Variants in NDE1 observed in about 807,000 individuals in gnomAD.
NDE1 encodes the protein nuclear distribution protein nudE homolog 1.
NDE1 carries 28 observed loss-of-function variants against 43.4 expected under a neutral mutation model. The observed-to-expected ratio is 0.65, with a 90% CI of 0.48 to 0.89. The LOEUF is 0.89. Among genes scored for constraint, NDE1 ranks in the 40% least tolerant of loss-of-function variants. The pLI is 0.00. For missense variants in NDE1, 441 were observed against 434.1 expected (o/e 1.02, Z -0.14); for synonymous variants, 184 against 172.0 (o/e 1.07, Z -0.55).
intron 8 of NDE1, chr16:15,699,821 A>G: frequency 7.4e-7 from 1 of 1,350,774 alleles, no homozygotes; most frequent in South Asian, 1.1e-5. Context: ...ATGTTGCTTT[A>G]GGAAAACCAC....
intron 8 of NDE1, among the ~76,000 whole-genome samples, chr16:15,698,313 A>T (rs1021863883): frequency 1.4e-5 from 2 of 146,254 alleles, no homozygotes; most frequent in Admixed American, 6.8e-5. Context: ...CAGCGGATCA[A>T]TTGAGCTCTG....
At chr16:15,717,479 C>T (rs375770278) in intron 8 of NDE1, 1 of 907,590 alleles carries the variant, frequency 1.1e-6, no homozygotes, top group Admixed American at 2.2e-5. Context: ...TCCTCTCCTT[C>T]ATCCTGTAAA....
chr16:15,683,804 T>C (rs2038300395), intron 4 of NDE1, among the ~76,000 whole-genome samples: 1 of 151,962 alleles, frequency 6.6e-6, no homozygotes, highest in African/African-American at 2.4e-5. Context: ...GCTTGAGTAT[T>C]GCTTGAGCCC....
chr16:15,645,118 C>T (rs2151377819), intron 1 of NDE1, among the ~76,000 whole-genome samples: 1 of 152,154 alleles, frequency 6.6e-6, no homozygotes, highest in Admixed American at 6.5e-5. Context: ...CGGGATATTG[C>T]CATGTTGGCC....
At chr16:15,702,332 A>G (rs1221443046) in intron 8 of NDE1, among the ~76,000 whole-genome samples, 3 of 152,238 alleles carry the variant, frequency 2.0e-5, no homozygotes, top group South Asian at 2.1e-4. Context: ...TTTAAAGAAG[A>G]TGAATATTCG....
At chr16:15,645,273 G>T (rs966599554), upstream of NDE1, among the ~76,000 whole-genome samples, 1 of 152,008 alleles carries the variant, frequency 6.6e-6, no homozygotes, top group Non-Finnish European at 1.5e-5. Context: ...GACACATTTT[G>T]TTTGACTTAG....
rs779265066 is a variant in NDE1 at position 15,720,154 on chromosome 16, C to T, written c.948-4037C>T. The T allele has an allele frequency of 6.2e-7, 1 of 1,614,134 alleles. No homozygotes were observed. The highest frequency in any genetic ancestry group is 8.5e-7 in the Non-Finnish European group (1 of 1,180,030). On this transcript the variant is annotated intron_variant, in intron 8 of 8. Transcript: ENST00000396354. The stretch of plus-strand genomic sequence containing the variant: ...CCAAGCTCCTAGTGTCACCCACCTG[C>T]AGTTTGCGTAGCTGCTTGATGGCTT...
intron 8 of NDE1, chr16:15,713,907 C>G (rs761986506): frequency 3.9e-5 from 6 of 152,372 alleles, no homozygotes; most frequent in African/African-American, 4.8e-5. Flanking sequence ...GGGTCAGAGG[C>G]TGATGGCATT....
intron 8 of NDE1, chr16:15,719,594 C>G (rs140956234): frequency 6.2e-7 from 1 of 1,614,072 alleles, no homozygotes; most frequent in Non-Finnish European, 8.5e-7. Flanking sequence ...CCTCTTGTAG[C>G]TGCATGAGGT....
intron 8 of NDE1, chr16:15,714,853 C>T: frequency 2.5e-6 from 4 of 1,606,490 alleles, no homozygotes. Flanking sequence ...GCCCGAGCCC[C>T]CAGTGCTTTT....
chr16:15,712,895 T>TTTTTTTTTTTA (rs1567680276), intron 8 of NDE1: 1 of 148,746 alleles, frequency 6.7e-6, no homozygotes, highest in African/African-American at 2.5e-5. Context: ...TTTTTTTTTT[T>TTTTTTTTTTTA]GAGACCGAGT....
intron 8 of NDE1, among the ~76,000 whole-genome samples, chr16:15,706,943 G>T (rs140581285): frequency 0.025 from 3,850 of 152,252 alleles, 72 homozygotes; most frequent in Non-Finnish European, 0.041. Flanking sequence ...TCTTGGAACT[G>T]GTTTCAAATC....
At position 15,724,941 on chromosome 16, in the gene NDE1, T is replaced by C; in HGVS notation, c.*690T>C. Reference sequence around the variant, plus strand: ...GACGCCACGTCCTTGGCCAGCTTAATGGCCTTCCCCTCGGCCTCGTTAAGC... The same window carrying C: ...GACGCCACGTCCTTGGCCAGCTTAACGGCCTTCCCCTCGGCCTCGTTAAGC... On this transcript the variant is annotated 3_prime_UTR_variant, in exon 9 of 9. Transcript: ENST00000396354. 4 of 1,614,140 alleles carry C rather than the reference T, an allele frequency of 2.5e-6. No individual in the cohort carries two copies. The highest frequency in any genetic ancestry group is 2.5e-6 in the Non-Finnish European group (3 of 1,180,028).
chr16:15,702,532 G>A (rs1237792693), intron 8 of NDE1, among the ~76,000 whole-genome samples: 1 of 151,810 alleles, frequency 6.6e-6, no homozygotes, highest in Non-Finnish European at 1.5e-5. Context: ...TGGGAGTACA[G>A]GTGTGCACTA....
At position 15,725,933 on chromosome 16, in the gene NDE1, C is replaced by T. The variant is rs1367748214; in HGVS notation, c.*1682C>T. The stretch of plus-strand genomic sequence containing the variant: ...CTACATCATCTGGGTACAAGCTCCC[C>T]CTCCAACCCCACTCTGTACTATCTC... On this transcript the variant is annotated 3_prime_UTR_variant, in exon 9 of 9. Transcript: ENST00000396354. 4 of 371,998 alleles carry T rather than the reference C, an allele frequency of 1.1e-5. No individual in the cohort carries two copies. The highest frequency in any genetic ancestry group is 1.9e-5 in the Non-Finnish European group (4 of 209,798). The allele number at this position is 371,998 out of a possible 1,614,324, so 23.0% of individuals were successfully genotyped here.
At chr16:15,679,102 C>G (rs1229174713) in intron 4 of NDE1, among the ~76,000 whole-genome samples, 1 of 151,724 alleles carries the variant, frequency 6.6e-6, no homozygotes, top group African/African-American at 2.4e-5. Context: ...CAAAAAACAA[C>G]AAAAAAACAA....
At chr16:15,696,660 G>A (rs1390007659) in intron 7 of NDE1, 49 bp from the exon 8 acceptor site, 1 of 1,613,812 alleles carries the variant, frequency 6.2e-7, no homozygotes, top group African/African-American at 1.3e-5. Flanking sequence ...TGGTAAGACA[G>A]AATAGTCCTT....
chr16:15,662,269 CTTTCTCTTTTCTT>C, intron 1 of NDE1, among the ~76,000 whole-genome samples: 1 of 148,948 alleles, frequency 6.7e-6, no homozygotes, highest in African/African-American at 2.5e-5. Context: ...GGCCACGTTC[CTTTCTCTTTTCTT>C]TTTTTTTTTT....
Position 15,661,429 on chromosome 16 carries a change from T to G in NDE1, c.-43-3307T>G, listed in dbSNP as rs573728930. 1.8e-3 allele frequency among the ~76,000 whole-genome samples: 266 copies of G among 151,846 alleles called. 1 individual carries two copies. The highest frequency in any genetic ancestry group is 3.0e-3 in the Non-Finnish European group (207 of 67,940). On this transcript the variant is annotated intron_variant, in intron 1 of 8. Coordinates refer to ENST00000396354, the MANE Select transcript of NDE1 (RefSeq NM_017668.3). ...TCCCAAAGTGCTGGGATTACAGGTG[T>G]GAGCCACCGCGCCCGGCCGAGTTTT...
Sources: gnomAD v4.1 joint callset for allele counts (sites outside exome capture counted in the v4.1 genomes callset) on GRCh38, gnomAD v4.1.1 for gene constraint, MANE v1.5 for transcripts, NCBI Gene and HGNC (gene_info 2026-07-23, HGNC 2026-07-21) for gene names.